Variants in SYT16 observed in about 807,000 individuals in gnomAD.
SYT16 encodes the protein synaptotagmin 16.
A neutral mutation model predicts 61.4 loss-of-function variants in SYT16; 42 were observed. That is an observed-to-expected ratio of 0.68 (90% CI 0.53 to 0.89). The LOEUF is 0.89. Among genes scored for constraint, SYT16 ranks in the 40% least tolerant of loss-of-function variants. The pLI, the probability that SYT16 is intolerant of heterozygous loss-of-function variation, is 0.00. For synonymous variants in SYT16, 314 were observed against 302.3 expected (o/e 1.04, Z -0.40); for missense variants, 804 against 807.3 (o/e 1.00, Z 0.05).
intron 7 of SYT16, among the ~76,000 whole-genome samples, chr14:62,094,453 A>G (rs1371230714): frequency 9.2e-5 from 14 of 152,056 alleles, no homozygotes. Flanking sequence ...TTTTAGAGCA[A>G]CAAACTCATT....
At chr14:61,860,235 C>G (rs913140039) in intron 1 of SYT16, among the ~76,000 whole-genome samples, 1 of 152,184 alleles carries the variant, frequency 6.6e-6, no homozygotes, top group African/African-American at 2.4e-5. Flanking sequence ...ACAACAACAA[C>G]AAACCATTCT....
chr14:61,828,762 T>TGTC (rs1261216704), intron 1 of SYT16, among the ~76,000 whole-genome samples: 1 of 152,268 alleles, frequency 6.6e-6, no homozygotes, highest in Non-Finnish European at 1.5e-5. Context: ...TCAGATCCAC[T>TGTC]ATGTGCAGTG....
chr14:61,954,274 C>G (rs2050782764), intron 1 of SYT16, among the ~76,000 whole-genome samples: 1 of 145,090 alleles, frequency 6.9e-6, no homozygotes, highest in Non-Finnish European at 1.5e-5. Context: ...ATTTCTAGTT[C>G]TTGTTGTGAG....
At chr14:62,023,558 C>A (rs577777983) in intron 3 of SYT16, among the ~76,000 whole-genome samples, 1 of 152,268 alleles carries the variant, frequency 6.6e-6, no homozygotes, top group Non-Finnish European at 1.5e-5. Flanking sequence ...ATTTTCTCTT[C>A]ATCTCTAGTT....
At chr14:62,044,191 C>A (rs374103870) in intron 3 of SYT16, among the ~76,000 whole-genome samples, 20 of 149,800 alleles carry the variant, frequency 1.3e-4, no homozygotes, top group East Asian at 9.8e-4. Flanking sequence ...CAGAGCAAGA[C>A]CCTGTCTTTG....
intron 1 of SYT16, among the ~76,000 whole-genome samples, chr14:61,820,037 G>C (rs2045564230): frequency 6.6e-6 from 1 of 152,314 alleles, no homozygotes; most frequent in South Asian, 2.1e-4. Context: ...AGGGTGCCTA[G>C]TCATTGATTC....
At chr14:61,921,428 G>A (rs1016469368) in intron 1 of SYT16, among the ~76,000 whole-genome samples, 3 of 152,198 alleles carry the variant, frequency 2.0e-5, no homozygotes, top group Non-Finnish European at 4.4e-5. Context: ...TAAGCAAGGG[G>A]ACCACTTTCC....
intron 1 of SYT16, among the ~76,000 whole-genome samples, chr14:61,834,201 G>C (rs2046047865): frequency 6.6e-6 from 1 of 151,884 alleles, no homozygotes; most frequent in Admixed American, 6.6e-5. Flanking sequence ...TGCGATCTCG[G>C]CTCACTGTAA....
chr14:61,893,480 A>G (rs2048211722), intron 1 of SYT16, among the ~76,000 whole-genome samples: 1 of 152,226 alleles, frequency 6.6e-6, no homozygotes, highest in Non-Finnish European at 1.5e-5. Flanking sequence ...CTAGGGGGTG[A>G]CCTGGAGCAA....
rs59798244 is a variant in SYT16, at chr14:61,947,267, CGTGTGTGTGTGTGT to C, written c.-324-22834_-324-22821del. On this transcript the variant is annotated intron_variant, in intron 1 of 7. Coordinates refer to ENST00000683842, the MANE Select transcript of SYT16 (RefSeq NM_001367656.1). ...CTTTTGGCCTCTGACTTTAGTCCTT[CGTGTGTGTGTGTGT>C]GTGTGTGTGTGTGTGTGTGTGTGTG... Among the ~76,000 whole-genome samples the C allele has an allele frequency of 1.7e-3, 215 of 125,904 alleles. 1 individual carries two copies. The highest frequency in any genetic ancestry group is 2.5e-3 in the African/African-American group (85 of 34,024). 82.6% of individuals were successfully genotyped at this position (125,904 alleles called of 152,430 possible). A position where few individuals can be genotyped will look rare whatever the true frequency, so the allele number is the denominator to read the frequency against.
intron 1 of SYT16, among the ~76,000 whole-genome samples, chr14:61,915,527 T>C (rs369688793): frequency 2.0e-5 from 3 of 152,334 alleles, no homozygotes; most frequent in African/African-American, 7.2e-5. Context: ...AAAAACCCAG[T>C]TGAAATCATT....
intron 1 of SYT16, among the ~76,000 whole-genome samples, chr14:61,823,971 G>A (rs1281406307): frequency 2.0e-5 from 3 of 152,196 alleles, no homozygotes; most frequent in Non-Finnish European, 4.4e-5. Flanking sequence ...AACACTATTT[G>A]TAATCAACTT....
At chr14:61,987,978 G>T (rs989939376) in intron 2 of SYT16, among the ~76,000 whole-genome samples, 4 of 152,056 alleles carry the variant, frequency 2.6e-5, no homozygotes, top group Non-Finnish European at 5.9e-5. Context: ...TCAGTAATCT[G>T]CTGTATCTTA....
At chr14:61,923,044 G>A (rs2049396988) in intron 1 of SYT16, among the ~76,000 whole-genome samples, 1 of 126,226 alleles carries the variant, frequency 7.9e-6, no homozygotes, top group African/African-American at 2.9e-5. Flanking sequence ...GCAAGACTCT[G>A]TCTCAAAAAA....
chr14:61,841,034 A>T (rs1470317130), intron 1 of SYT16, among the ~76,000 whole-genome samples: 1 of 152,206 alleles, frequency 6.6e-6, no homozygotes, highest in Non-Finnish European at 1.5e-5. Context: ...GTTCTTTGTC[A>T]TTTGGAACCA....
chr14:61,839,460 T>G (rs2140249700), intron 1 of SYT16, among the ~76,000 whole-genome samples: 1 of 152,226 alleles, frequency 6.6e-6, no homozygotes, highest in East Asian at 1.9e-4. Context: ...AACACAGAAG[T>G]GATGATAATT....
At chr14:61,936,450 T>G (rs1165380938) in intron 1 of SYT16, among the ~76,000 whole-genome samples, 1 of 152,052 alleles carries the variant, frequency 6.6e-6, no homozygotes, top group African/African-American at 2.4e-5. Flanking sequence ...AGTGACTGAC[T>G]CCCAGTGCCA....
At chr14:62,018,509 G>A (rs2053790380) in intron 3 of SYT16, among the ~76,000 whole-genome samples, 2 of 151,850 alleles carry the variant, frequency 1.3e-5, no homozygotes, top group Non-Finnish European at 2.9e-5. Context: ...GTTTCACCAT[G>A]TTGGCCAGGC....
chr14:62,030,859 G>T (rs549919022), intron 3 of SYT16, among the ~76,000 whole-genome samples: 2 of 152,248 alleles, frequency 1.3e-5, no homozygotes, highest in African/African-American at 4.8e-5. Flanking sequence ...TGTTGCATTT[G>T]GTTATTAATA....
Sources: allele counts gnomAD v4.1 joint callset (sites outside exome capture counted in the v4.1 genomes callset), GRCh38; gene constraint gnomAD v4.1.1; transcripts MANE v1.5; gene names NCBI Gene and HGNC (gene_info 2026-07-23, HGNC 2026-07-21).